The following SGMS1 variants were observed in gnomAD, a reference collection of about 807,000 sequenced individuals.
SGMS1 encodes sphingomyelin synthase 1.
A neutral mutation model predicts 46.2 loss-of-function variants in SGMS1; 13 were observed. That is an observed-to-expected ratio of 0.28 (90% CI 0.18 to 0.45). SGMS1 has a LOEUF of 0.45. Ranked by LOEUF, SGMS1 falls within the 20% of genes least tolerant of loss-of-function variation. The probability of loss-of-function intolerance (pLI) is 1.00; values close to 1 mark genes in which losing one functional copy is unlikely to be tolerated. For synonymous variants in SGMS1, 203 were observed against 187.8 expected, an observed-to-expected ratio of 1.08 and a Z score of -0.66; for missense variants, 324 against 519.9, an observed-to-expected ratio of 0.62 and a Z score of 3.66.
At chr10:50,545,593 G>A (rs935870114) in intron 2 of SGMS1, among the ~76,000 whole-genome samples, 1 of 151,958 alleles carries the variant, frequency 6.6e-6, no homozygotes, top group Non-Finnish European at 1.5e-5. Context: ...CCACCACCTC[G>A]CCTGGCTAAT....
At chr10:50,328,891 G>C (rs1847571035) in intron 7 of SGMS1, among the ~76,000 whole-genome samples, 1 of 152,114 alleles carries the variant, frequency 6.6e-6, no homozygotes, top group Non-Finnish European at 1.5e-5. Context: ...CACCAAAAAA[G>C]AAATACCAAA....
intron 6 of SGMS1, among the ~76,000 whole-genome samples, chr10:50,421,515 A>C (rs1240071362): frequency 1.3e-5 from 2 of 152,146 alleles, no homozygotes; most frequent in African/African-American, 4.8e-5. Flanking sequence ...TCACTTTCCC[A>C]CCACTTCCTT....
intron 2 of SGMS1, among the ~76,000 whole-genome samples, chr10:50,532,295 T>G (rs1837962310): frequency 1.3e-5 from 2 of 149,994 alleles, no homozygotes; most frequent in African/African-American, 4.9e-5. Context: ...GATGGTGTCC[T>G]GTCCACAATG....
intron 6 of SGMS1, among the ~76,000 whole-genome samples, chr10:50,380,522 T>C (rs1295008131): frequency 1.3e-5 from 2 of 152,112 alleles, no homozygotes; most frequent in Non-Finnish European, 2.9e-5. Context: ...AGACGTGGGC[T>C]TTCTCAGTTC....
chr10:50,616,682 C>A (rs1053868807), intron 1 of SGMS1, among the ~76,000 whole-genome samples: 1 of 152,208 alleles, frequency 6.6e-6, no homozygotes, highest in African/African-American at 2.4e-5. Context: ...TTTAAAAGAT[C>A]TGTCCCAAAA....
chr10:50,475,691 G>A (rs12265364), intron 3 of SGMS1, among the ~76,000 whole-genome samples: 4,589 of 152,058 alleles, frequency 0.03, 109 homozygotes, highest in African/African-American at 0.063. Context: ...GTTTAGCAAC[G>A]TCCCCCTAGT....
At chr10:50,371,362 C>T (rs923785267) in intron 6 of SGMS1, among the ~76,000 whole-genome samples, 4 of 152,148 alleles carry the variant, frequency 2.6e-5, no homozygotes, top group African/African-American at 7.2e-5. Flanking sequence ...ATACTGCTCC[C>T]GTACACACCC....
chr10:50,618,081 G>A (rs1386070418), intron 1 of SGMS1, among the ~76,000 whole-genome samples: 1 of 152,112 alleles, frequency 6.6e-6, no homozygotes, highest in Non-Finnish European at 1.5e-5. Context: ...TCTGAGGTAT[G>A]ATAAAAGTGG....
At chr10:50,497,163 C>T (rs965376778) in intron 3 of SGMS1, among the ~76,000 whole-genome samples, 29 of 152,296 alleles carry the variant, frequency 1.9e-4, no homozygotes, top group African/African-American at 6.7e-4. Context: ...CTGCCTCCAC[C>T]CACACCTCTC....
At chr10:50,508,563 G>A (rs950632548) in intron 3 of SGMS1, among the ~76,000 whole-genome samples, 1 of 152,216 alleles carries the variant, frequency 6.6e-6, no homozygotes, top group African/African-American at 2.4e-5. Context: ...GGATTTCACT[G>A]TGACTAGTCT....
chr10:50,493,297 G>A (rs368731596), intron 3 of SGMS1, among the ~76,000 whole-genome samples: 8 of 152,098 alleles, frequency 5.3e-5, no homozygotes, highest in African/African-American at 1.7e-4. Context: ...CCTTCCTTAC[G>A]CCATATACAA....
At chr10:50,557,400 T>C (rs1325533273) in intron 2 of SGMS1, among the ~76,000 whole-genome samples, 2 of 152,156 alleles carry the variant, frequency 1.3e-5, no homozygotes, top group African/African-American at 4.8e-5. Context: ...GTGATATGCT[T>C]TTAAAAGAAA....
chr10:50,618,041 A>T (rs1359698364), intron 1 of SGMS1, among the ~76,000 whole-genome samples: 1 of 152,162 alleles, frequency 6.6e-6, no homozygotes, highest in Non-Finnish European at 1.5e-5. Context: ...AATAAAGTTG[A>T]AAAAGTAAAC....
At chr10:50,573,418 T>A (rs919086338) in intron 2 of SGMS1, among the ~76,000 whole-genome samples, 7 of 152,098 alleles carry the variant, frequency 4.6e-5, no homozygotes, top group African/African-American at 1.4e-4. Context: ...AAAAGGAAAC[T>A]AAGAACAACT....
intron 6 of SGMS1, among the ~76,000 whole-genome samples, chr10:50,386,904 C>A (rs1246633282): frequency 6.6e-6 from 1 of 152,152 alleles, no homozygotes; most frequent in Non-Finnish European, 1.5e-5. Flanking sequence ...TCACTAAATT[C>A]AAAGCAATTC....
intron 6 of SGMS1, among the ~76,000 whole-genome samples, chr10:50,354,487 C>G (rs1848098794): frequency 6.6e-6 from 1 of 151,952 alleles, no homozygotes; most frequent in South Asian, 2.1e-4. Flanking sequence ...CCATAAAAAC[C>G]CTAGAAGAAA....
At chr10:50,513,417 TC>T (rs1484952831) in intron 3 of SGMS1, among the ~76,000 whole-genome samples, 1 of 151,648 alleles carries the variant, frequency 6.6e-6, no homozygotes, top group Non-Finnish European at 1.5e-5. Flanking sequence ...CCCCTAGGAG[TC>T]TTTGAGGCTT....
intron 3 of SGMS1, among the ~76,000 whole-genome samples, chr10:50,511,962 C>T (rs1487730884): frequency 6.6e-6 from 1 of 152,188 alleles, no homozygotes; most frequent in East Asian, 1.9e-4. Context: ...TATCTCCTGG[C>T]ATCTGTACCC....
chr10:50,521,866 G>C (rs1263826175), intron 2 of SGMS1, among the ~76,000 whole-genome samples: 1 of 152,156 alleles, frequency 6.6e-6, no homozygotes, highest in Non-Finnish European at 1.5e-5. Context: ...TGATCACCCA[G>C]CCAAGGTGTT....
Sources: allele counts gnomAD v4.1 joint callset (sites outside exome capture counted in the v4.1 genomes callset), GRCh38; gene constraint gnomAD v4.1.1; transcripts MANE v1.5; gene names NCBI Gene and HGNC (gene_info 2026-07-23, HGNC 2026-07-21).